Variants in SBNO2 observed in about 807,000 individuals in gnomAD.
SBNO2 encodes the protein strawberry notch homolog 2, also known as protein strawberry notch homolog 2.
In SBNO2, 89 loss-of-function variants were observed where a neutral mutation model predicts 146.3. The observed-to-expected ratio is 0.61, with a 90% CI of 0.51 to 0.73. SBNO2 has a LOEUF of 0.73. Ranked by LOEUF, SBNO2 falls within the 30% of genes least tolerant of loss-of-function variation. The pLI is 0.00. For missense variants in SBNO2, 2,092 were observed against 2,003.7 expected, an observed-to-expected ratio of 1.04 and a Z score of -0.84; for synonymous variants, 1,147 against 892.6, an observed-to-expected ratio of 1.29 and a Z score of -5.08.
At chr19:1,115,691 C>G in intron 17 of SBNO2, 1 of 433,274 alleles carries the variant, frequency 2.3e-6, no homozygotes, top group Non-Finnish European at 4.2e-6. Context: ...TATCAATGGG[C>G]TCCCCAAGGG....
In SBNO2 at chr19:1,140,415, C is replaced by T. The variant is rs2145278125; in HGVS notation, c.279+6894G>A. On this transcript the variant is annotated intron_variant, in intron 4 of 31. Transcript: ENST00000361757. This position sits in a 1 kb window ranked among gnomAD's most constrained non-coding sequence, Gnocchi z 4.4. ...CACACGGGGCTGAGCCATCACCCACCAGGGACATTGAGCCTGATGGCTTCG... is the reference window on the plus strand; with the variant it reads ...CACACGGGGCTGAGCCATCACCCACTAGGGACATTGAGCCTGATGGCTTCG... 6.6e-6 allele frequency among the ~76,000 whole-genome samples: 1 copy of T among 152,328 alleles called. No individual in the cohort carries two copies. The highest frequency in any genetic ancestry group is 2.1e-4 in the South Asian group (1 of 4,822).
chr19:1,122,622 C>T lies in SBNO2; in HGVS notation c.914+36G>A, dbSNP rs532762827. ...CTCGCCCCCCGCTTCCGCCCCCCAC[C>T]CCCGCTCCCGCCCCCTGCCCCAGGC... is the stretch of plus-strand genomic sequence containing the variant. On this transcript the variant is annotated intron_variant, in intron 9 of 31. Coordinates refer to ENST00000361757, the MANE Select transcript of SBNO2 (RefSeq NM_014963.3). 2.6e-4 allele frequency: 394 copies of T among 1,511,440 alleles called. 1 individual carries two copies. The highest frequency in any genetic ancestry group is 1.8e-3 in the Admixed American group (89 of 49,638). The allele number at this position is 1,511,440 out of a possible 1,614,324, so 93.6% of individuals were successfully genotyped here.
chr19:1,158,978 C>T lies in SBNO2; in HGVS notation c.-126-4576G>A, dbSNP rs1035786809. Among the ~76,000 whole-genome samples, 4 of 151,666 alleles carry T rather than the reference C, an allele frequency of 2.6e-5. No individual in the cohort carries two copies. The highest frequency in any genetic ancestry group is 2.9e-5 in the Non-Finnish European group (2 of 67,850). On this transcript the variant is annotated intron_variant, in intron 1 of 31. Transcript: ENST00000361757. This position sits in a 1 kb window ranked among gnomAD's most constrained non-coding sequence, Gnocchi z 9.9. ...GTGACCCCACTTGCAGCTGCAACCGCCGCCCCACGGCCGTGACCCCACCTG... is the reference window on the plus strand; with the variant it reads ...GTGACCCCACTTGCAGCTGCAACCGTCGCCCCACGGCCGTGACCCCACCTG...
chr19:1,163,984 G>A (rs571207182), intron 1 of SBNO2, among the ~76,000 whole-genome samples: 1 of 152,348 alleles, frequency 6.6e-6, no homozygotes, highest in East Asian at 1.9e-4. Flanking sequence ...AGCGCCCTGA[G>A]GACGGGGTCG....
chr19:1,120,279 T>G (rs926445522), intron 11 of SBNO2, among the ~76,000 whole-genome samples: 2 of 152,180 alleles, frequency 1.3e-5, no homozygotes, highest in Non-Finnish European at 2.9e-5. Flanking sequence ...ACACCGAGGA[T>G]GGGGCCTCCG....
chr19:1,128,027 C>A (rs1293428030), intron 4 of SBNO2, among the ~76,000 whole-genome samples: 2 of 152,052 alleles, frequency 1.3e-5, no homozygotes, highest in African/African-American at 2.4e-5. Context: ...TGTTGGCCAG[C>A]CTGGTTTTGA....
chr19:1,117,423 TG>T lies in SBNO2; in HGVS notation c.1603del (p.Gln535SerfsTer73). Reference protein sequence around the residue: ...GLESRKSLWGQFWSAHQRFFK... With the variant: ...GLESRKSLWGXFWSAHQRFFK... ...GAAGCGCTGGTGTGCCGACCAGAAC[TG>T]GCCCCACAGGGACTTGCGCGACTCC... On this transcript the variant is annotated frameshift_variant, in exon 15 of 32. Transcript: ENST00000361757. LOFTEE classifies it high-confidence loss of function. The T allele has an allele frequency of 6.3e-7, 1 of 1,591,362 alleles. No individual in the cohort carries two copies. Among genetic ancestry groups the T allele is most frequent in the Non-Finnish European group, 8.5e-7 (1 of 1,170,430 alleles).
chr19:1,166,482 C>A (rs1181478907), intron 1 of SBNO2, among the ~76,000 whole-genome samples: 1 of 152,096 alleles, frequency 6.6e-6, no homozygotes, highest in African/African-American at 2.4e-5. Context: ...GGAGCCCGCT[C>A]GGGTCTTGTG....
rs1412976411 is a variant in SBNO2, at chr19:1,112,157, C to A, written c.2628+32G>T. On this transcript the variant is annotated intron_variant, in intron 22 of 31. Transcript: ENST00000361757. This position sits in a 1 kb window ranked among gnomAD's most constrained non-coding sequence, Gnocchi z 5.9. Reference sequence around the variant, plus strand: ...TTTGGAGAGCCTTCCTGGGCCTGTCCCTGGTTCTCAGCCCCACCCCCACCT... The same window carrying A: ...TTTGGAGAGCCTTCCTGGGCCTGTCACTGGTTCTCAGCCCCACCCCCACCT... 6.3e-7 allele frequency: 1 copy of A among 1,588,940 alleles called. No homozygotes were observed. Among genetic ancestry groups the A allele is most frequent in the Non-Finnish European group, 8.6e-7 (1 of 1,167,352 alleles).
intron 4 of SBNO2, among the ~76,000 whole-genome samples, chr19:1,146,623 C>T (rs945396484): frequency 3.3e-5 from 5 of 151,548 alleles, no homozygotes; most frequent in African/African-American, 4.9e-5. Context: ...CTGTGGTATC[C>T]GAACCGTCCC....
At position 1,154,273 on chromosome 19, in the gene SBNO2, G is replaced by A. The variant is rs771264326; in HGVS notation, c.4C>T (p.Leu2Phe). The change falls in exon 2 of 32, where the codon CTT becomes TTT. Residue 2 changes from leucine (L) to phenylalanine (F), a missense_variant. Coordinates refer to ENST00000361757, the MANE Select transcript of SBNO2 (RefSeq NM_014963.3). M[L>F]AVGPAMDRDY... ...CTGTCCATGGCGGGCCCCACTGCAAGCATCGGGCGGCAGGCGGGGTGGGGT... is the reference window on the plus strand; with the variant it reads ...CTGTCCATGGCGGGCCCCACTGCAAACATCGGGCGGCAGGCGGGGTGGGGT... 65 of 1,263,458 alleles carry A rather than the reference G, an allele frequency of 5.1e-5. No individual in the cohort carries two copies. The highest frequency in any genetic ancestry group is 6.4e-5 in the Non-Finnish European group (64 of 1,003,360). The allele number at this position is 1,263,458 out of a possible 1,614,324, so 78.3% of individuals were successfully genotyped here. A position where few individuals can be genotyped will look rare whatever the true frequency, so the allele number is the denominator to read the frequency against.
At chr19:1,129,734 G>A (rs977931072) in intron 4 of SBNO2, among the ~76,000 whole-genome samples, 3 of 152,188 alleles carry the variant, frequency 2.0e-5, no homozygotes, top group Non-Finnish European at 4.4e-5. Flanking sequence ...AGCCAGGAGC[G>A]GGGGTGAGTT....
At chr19:1,156,849 G>A (rs72486336) in intron 1 of SBNO2, among the ~76,000 whole-genome samples, 7,607 of 146,492 alleles carry the variant, frequency 0.052, 364 homozygotes, top group East Asian at 0.26. Flanking sequence ...TGCACCCGGG[G>A]CCCATTTCCA....
At chr19:1,172,238 C>A (rs2080484852) in intron 1 of SBNO2, among the ~76,000 whole-genome samples, 1 of 152,354 alleles carries the variant, frequency 6.6e-6, no homozygotes, top group South Asian at 2.1e-4. Context: ...GTCTCCTCTG[C>A]CGTCTCCCCT....
chr19:1,120,194 G>C, intron 11 of SBNO2, 171 bp from the exon 12 acceptor site: 2 of 601,022 alleles, frequency 3.3e-6, no homozygotes, highest in South Asian at 3.9e-5. Flanking sequence ...ATGGGGGGCG[G>C]GCGGGCAGGC....
chr19:1,113,963 C>T (rs2079799956), intron 18 of SBNO2, among the ~76,000 whole-genome samples: 2 of 152,208 alleles, frequency 1.3e-5, no homozygotes, highest in African/African-American at 2.4e-5. Flanking sequence ...GTAGGGACTG[C>T]CCAGCCCCAA....
In SBNO2 at chr19:1,173,903, G is replaced by A. The variant is rs921329785; in HGVS notation, c.-127+269C>T. On this transcript the variant is annotated intron_variant, in intron 1 of 31. Transcript: ENST00000361757. The surrounding 1 kb of genome is among the most constrained non-coding windows in gnomAD (Gnocchi z 4.7). ...GTGGAAGGTAGGGTTAAGGTTCACGGCAGGGGGTCGCCGGGGGGCGGGGGG... is the reference window on the plus strand; with the variant it reads ...GTGGAAGGTAGGGTTAAGGTTCACGACAGGGGGTCGCCGGGGGGCGGGGGG... The A allele has an allele frequency of 1.4e-4, 21 of 150,072 alleles. No individual in the cohort carries two copies. Among genetic ancestry groups the A allele is most frequent in the African/African-American group, 4.4e-4 (18 of 40,968 alleles). 9.3% of individuals were successfully genotyped at this position (150,072 alleles called of 1,614,324 possible).
rs374055757 is a variant in SBNO2 at position 1,109,282 on chromosome 19, G to C, written c.3348+10C>G. ...AACCCGAGCGAAAGCTGCGCCCGGC[G>C]GCCGCCTACCCGGTGGAACTTGCGG... On this transcript the variant is annotated intron_variant, in intron 29 of 31. Coordinates refer to ENST00000361757, the MANE Select transcript of SBNO2 (RefSeq NM_014963.3). The surrounding 1 kb of genome is among the most constrained non-coding windows in gnomAD (Gnocchi z 4.2). 6.7e-5 allele frequency: 107 copies of C among 1,587,214 alleles called. No individual in the cohort carries two copies. The African/African-American group carries it at 1.2e-3, about 18-fold the overall frequency.
chr19:1,119,381 G>A, intron 13 of SBNO2, 135 bp downstream of exon 13: 1 of 877,940 alleles, frequency 1.1e-6, no homozygotes, highest in Non-Finnish European at 1.7e-6. Flanking sequence ...CCGAGGCAGT[G>A]AAACGAGCGA....
Sources: gnomAD v4.1 joint callset for allele counts (sites outside exome capture counted in the v4.1 genomes callset) on GRCh38, gnomAD v4.1.1 for gene constraint, Gnocchi (gnomAD v3.1) non-coding constraint, MANE v1.5 for transcripts, NCBI Gene and HGNC (gene_info 2026-07-23, HGNC 2026-07-21) for gene names.